The following NKAIN2 variants were observed in gnomAD, a reference collection of about 807,000 sequenced individuals.
NKAIN2 encodes sodium/potassium-transporting ATPase subunit beta-1-interacting protein 2.
Under a neutral mutation model 32.6 loss-of-function variants are expected in NKAIN2, and 14 were observed. The observed-to-expected ratio is 0.43, with a 90% confidence interval of 0.28 to 0.67. The LOEUF (loss-of-function observed/expected upper bound fraction) is 0.67, where lower values mean the gene tolerates loss of function less well. Ranked by LOEUF, NKAIN2 falls within the 30% of genes least tolerant of loss-of-function variation. NKAIN2 has a pLI of 0.17. For synonymous variants in NKAIN2, 80 were observed against 87.2 expected (o/e 0.92, Z 0.46); for missense variants, 198 against 258.3 (o/e 0.77, Z 1.60).
At chr6:124,157,248 T>TGG (rs1166301034) in intron 1 of NKAIN2, among the ~76,000 whole-genome samples, 3 of 130,694 alleles carry the variant, frequency 2.3e-5, no homozygotes, top group Non-Finnish European at 3.3e-5. Context: ...TGTGTCATAA[T>TGG]GGACACACAC....
At position 124,338,647 on chromosome 6, in the gene NKAIN2, CA is replaced by C. The variant is rs529895632; in HGVS notation, c.193-16613del. Among the ~76,000 whole-genome samples the C allele has an allele frequency of 1.2e-3, 179 of 151,876 alleles. 1 individual carries two copies. Among genetic ancestry groups the C allele is most frequent in the African/African-American group, 4.2e-3 (174 of 41,406 alleles). On this transcript the variant is annotated intron_variant, in intron 2 of 6. Transcript: ENST00000368417. The stretch of plus-strand genomic sequence containing the variant: ...CCTAGAACTTTATTCTAAAAACAAA[CA>C]AAAAAAGTCTTATATTGTTAGAATG...
intron 1 of NKAIN2, among the ~76,000 whole-genome samples, chr6:124,120,942 A>C (rs1785850134): frequency 6.6e-6 from 1 of 152,286 alleles, no homozygotes; most frequent in Non-Finnish European, 1.5e-5. Flanking sequence ...AAAGAAACTG[A>C]TACTCATGGT....
chr6:123,879,009 AT>A (rs1033727327), intron 1 of NKAIN2, among the ~76,000 whole-genome samples: 1 of 152,004 alleles, frequency 6.6e-6, no homozygotes, highest in Non-Finnish European at 1.5e-5. Flanking sequence ...AGTGGCTTTA[AT>A]TTTTTTTAGA....
At chr6:124,231,734 A>C (rs1014848203) in intron 1 of NKAIN2, among the ~76,000 whole-genome samples, 4 of 152,142 alleles carry the variant, frequency 2.6e-5, no homozygotes, top group African/African-American at 9.7e-5. Context: ...CTCCCCAGCC[A>C]TATGGAACTG....
At chr6:124,026,061 T>C (rs572725411) in intron 1 of NKAIN2, among the ~76,000 whole-genome samples, 19 of 152,344 alleles carry the variant, frequency 1.2e-4, no homozygotes, top group Admixed American at 1.2e-3. Flanking sequence ...AGTTTCTTAC[T>C]GTTTATTACC....
At chr6:124,389,667 CCT>C (rs1361808440) in intron 3 of NKAIN2, among the ~76,000 whole-genome samples, 1 of 150,586 alleles carries the variant, frequency 6.6e-6, no homozygotes, top group African/African-American at 2.4e-5. Flanking sequence ...AGATCCTCAC[CCT>C]CTTTCTCTCT....
intron 3 of NKAIN2, among the ~76,000 whole-genome samples, chr6:124,361,229 G>T (rs1799274048): frequency 6.6e-6 from 1 of 151,860 alleles, no homozygotes; most frequent in Non-Finnish European, 1.5e-5. Context: ...GTAATACAAA[G>T]GGAAGAAAAC....
At chr6:124,662,345 C>T (rs1784778063) in intron 4 of NKAIN2, among the ~76,000 whole-genome samples, 1 of 151,888 alleles carries the variant, frequency 6.6e-6, no homozygotes, top group Admixed American at 6.6e-5. Flanking sequence ...TTCCCACAGC[C>T]ATTAGTGTTG....
chr6:124,536,625 G>T (rs1779724185), intron 3 of NKAIN2, among the ~76,000 whole-genome samples: 1 of 152,136 alleles, frequency 6.6e-6, no homozygotes, highest in African/African-American at 2.4e-5. Context: ...CCCAAAAGGA[G>T]AATTTATCGT....
chr6:124,036,324 G>T (rs1781603039), intron 1 of NKAIN2, among the ~76,000 whole-genome samples: 1 of 152,202 alleles, frequency 6.6e-6, no homozygotes, highest in South Asian at 2.1e-4. Context: ...TCCTTTGTTA[G>T]ATTCAGCTAA....
intron 4 of NKAIN2, among the ~76,000 whole-genome samples, chr6:124,779,364 G>A (rs1779154948): frequency 6.8e-6 from 1 of 148,116 alleles, no homozygotes; most frequent in South Asian, 2.2e-4. Flanking sequence ...AGGAAGGAAG[G>A]AAGGAAGGAA....
intron 1 of NKAIN2, among the ~76,000 whole-genome samples, chr6:124,263,073 T>C (rs999658503): frequency 6.6e-6 from 1 of 152,212 alleles, no homozygotes; most frequent in African/African-American, 2.4e-5. Flanking sequence ...TATTGGACTA[T>C]CATAAACATT....
intron 3 of NKAIN2, among the ~76,000 whole-genome samples, chr6:124,412,828 C>G (rs78215116): frequency 6.6e-6 from 1 of 152,202 alleles, no homozygotes; most frequent in Admixed American, 6.5e-5. Context: ...CCACCCAGTT[C>G]GAGCTTCCTG....
intron 1 of NKAIN2, among the ~76,000 whole-genome samples, chr6:124,210,153 A>G (rs567392307): frequency 3.3e-5 from 5 of 151,808 alleles, no homozygotes; most frequent in African/African-American, 1.2e-4. Flanking sequence ...ATCTAGTTTC[A>G]TTCTTCTGCA....
At chr6:123,918,826 G>A (rs1218336947) in intron 1 of NKAIN2, among the ~76,000 whole-genome samples, 1 of 152,094 alleles carries the variant, frequency 6.6e-6, no homozygotes. Flanking sequence ...ATAAAAGTAT[G>A]TATCAAGAAT....
intron 1 of NKAIN2, among the ~76,000 whole-genome samples, chr6:123,807,043 A>G (rs991300846): frequency 1.3e-5 from 2 of 152,046 alleles, no homozygotes; most frequent in African/African-American, 4.8e-5. Flanking sequence ...TGAGGGACAG[A>G]GGCAGATTCT....
intron 3 of NKAIN2, among the ~76,000 whole-genome samples, chr6:124,638,576 C>CA (rs1783859268): frequency 6.6e-6 from 1 of 151,914 alleles, no homozygotes; most frequent in African/African-American, 2.4e-5. Context: ...ACAACAACAG[C>CA]AAAAAACATA....
rs562409798 is a variant in NKAIN2 at position 124,702,397 on chromosome 6, A to G, written c.474+44011A>G. Among the ~76,000 whole-genome samples, 3 of 152,292 alleles carry G rather than the reference A, an allele frequency of 2.0e-5. No individual in the cohort carries two copies. In the South Asian group the frequency reaches 6.2e-4, roughly 32 times the overall value. ...CAAAAAGATATTTATATTGACTTGA[A>G]TGATGAGTAAGCATTGTGAATTGTC... On this transcript the variant is annotated intron_variant, in intron 4 of 6. Transcript: ENST00000368417.
At chr6:124,723,247 A>G (rs527237316) in intron 4 of NKAIN2, among the ~76,000 whole-genome samples, 1 of 152,368 alleles carries the variant, frequency 6.6e-6, no homozygotes, top group South Asian at 2.1e-4. Flanking sequence ...CTCTAGATGT[A>G]TAATTTTGCA....
Sources: allele counts gnomAD v4.1 joint callset (sites outside exome capture counted in the v4.1 genomes callset), GRCh38; gene constraint gnomAD v4.1.1; transcripts MANE v1.5; gene names NCBI Gene and HGNC (gene_info 2026-07-23, HGNC 2026-07-21).